LCT: variants seen among roughly 807,000 people sequenced by gnomAD.
LCT encodes lactase.
LCT carries 90 observed loss-of-function variants against 173.0 expected under a neutral mutation model. That is an observed-to-expected ratio of 0.52 (90% confidence interval 0.44 to 0.62). The LOEUF is 0.62. Among genes scored for constraint, LCT ranks in the 20% least tolerant of loss-of-function variants. The probability of loss-of-function intolerance (pLI) is 0.00; values close to 1 mark genes in which losing one functional copy is unlikely to be tolerated. For missense variants in LCT, 1,864 were observed against 2,431.4 expected, an observed-to-expected ratio of 0.77 and a Z score of 4.91; for synonymous variants, 853 against 957.6, an observed-to-expected ratio of 0.89 and a Z score of 2.02.
intron 6 of LCT, among the ~76,000 whole-genome samples, chr2:135,814,140 T>C (rs2077759277): frequency 6.6e-6 from 1 of 152,224 alleles, no homozygotes; most frequent in Admixed American, 6.5e-5. Context: ...GCTTTCCTTT[T>C]TCCTTTTTAT....
chr2:135,789,872 A>C, intron 15 of LCT, 74 bp from the exon 16 acceptor site: 1 of 1,197,080 alleles, frequency 8.4e-7, no homozygotes, highest in South Asian at 1.2e-5. Flanking sequence ...TTCGGAAGCC[A>C]GGTCTGCCTA....
intron 11 of LCT, among the ~76,000 whole-genome samples, chr2:135,802,638 C>G (rs549341389): frequency 6.6e-6 from 1 of 152,154 alleles, no homozygotes; most frequent in Non-Finnish European, 1.5e-5. Context: ...CATGTTCTTA[C>G]TCACATGTGG....
Position 135,812,597 on chromosome 2 carries a change from GC to G in LCT, c.2066del (p.Arg689ProfsTer25). 2 of 1,612,546 alleles carry G rather than the reference GC, an allele frequency of 1.2e-6. No individual in the cohort carries two copies. The highest frequency in any genetic ancestry group is 1.7e-6 in the Non-Finnish European group (2 of 1,178,642). On this transcript the variant is annotated frameshift_variant, in exon 7 of 17. Coordinates refer to ENST00000264162, the MANE Select transcript of LCT (RefSeq NM_002299.4). LOFTEE classifies it high-confidence loss of function. ...TGTTTTGTGGGGCGTTGCTGATGAG[GC>G]GGGAGGTGTAATGCGACAGACCCAG... The part of the protein sequence containing the change: ...DFLGLSHYTS[R>X]LISNAPQNTC...
intron 4 of LCT, chr2:135,822,300 A>G (rs898346518): frequency 1.2e-5 from 7 of 562,472 alleles, no homozygotes; most frequent in East Asian, 9.3e-5. Flanking sequence ...GTGGTTCTCA[A>G]ACTTCAAGGT....
chr2:135,819,982 G>C (rs1218128062), intron 5 of LCT, among the ~76,000 whole-genome samples: 5 of 152,088 alleles, frequency 3.3e-5, no homozygotes, highest in Non-Finnish European at 7.4e-5. Context: ...AGCACATGAC[G>C]GCACCTCAGG....
chr2:135,814,678 G>C (rs1463203329), intron 6 of LCT, among the ~76,000 whole-genome samples: 1 of 151,870 alleles, frequency 6.6e-6, no homozygotes, highest in East Asian at 1.9e-4. Context: ...CACCATGCCT[G>C]GCTAATTTTT....
chr2:135,788,337 A>G lies in LCT; in HGVS notation c.5771T>C (p.Val1924Ala), dbSNP rs886054861. 1.2e-6 allele frequency: 2 copies of G among 1,613,080 alleles called. No homozygotes were observed. Among genetic ancestry groups the G allele is most frequent in the African/African-American group, 1.3e-5 (1 of 74,898 alleles). The change falls in exon 17 of 17, where the codon GTG (valine) becomes GCG (alanine). Residue 1924 changes from valine to alanine, a missense_variant. By Grantham distance (64) the Val-to-Ala change is moderately conservative (BLOSUM62 0). Around this residue, in one of 4 missense-constraint regions of LCT, gnomAD observed 514 missense variants for 750.1 expected, o/e 0.69. Transcript: ENST00000264162. Reference protein sequence around the residue: ...TQRSQQELSPVSSF With the variant: ...TQRSQQELSPASSF ...GGTGGTAACTCATCAGAATGAAGAC[A>G]CCGGGCTCAATTCCTGTTGGCTTCG... is the stretch of plus-strand genomic sequence containing the variant.
In LCT at chr2:135,788,225, T is replaced by C; in HGVS notation, c.*99A>G. 1 of 854,538 alleles carries C rather than the reference T, an allele frequency of 1.2e-6. No individual in the cohort carries two copies. Among genetic ancestry groups the C allele is most frequent in the Non-Finnish European group, 2.0e-6 (1 of 502,950 alleles). The allele number at this position is 854,538 out of a possible 1,614,324, so 52.9% of individuals were successfully genotyped here. A position where few individuals can be genotyped will look rare whatever the true frequency, so the allele number is the denominator to read the frequency against. On this transcript the variant is annotated 3_prime_UTR_variant, in exon 17 of 17. Transcript: ENST00000264162. ...GGTGCAGCAGGACTTTATGGAGAAG[T>C]CCAGTATCAGCAGAGTCTAAGACCC...
At chr2:135,826,270 G>C (rs1398645391) in intron 3 of LCT, among the ~76,000 whole-genome samples, 4 of 152,104 alleles carry the variant, frequency 2.6e-5, no homozygotes, top group African/African-American at 9.7e-5. Context: ...TGAAAATGTG[G>C]TAGCCAGGTG....
chr2:135,816,992 C>A (rs543478847), intron 6 of LCT, among the ~76,000 whole-genome samples: 20 of 152,162 alleles, frequency 1.3e-4, no homozygotes, highest in African/African-American at 4.8e-4. Context: ...CCTCAGTCTC[C>A]TGGGTAGGTG....
At chr2:135,799,814 A>AGAAATT (rs2077611176) in intron 12 of LCT, among the ~76,000 whole-genome samples, 1 of 152,076 alleles carries the variant, frequency 6.6e-6, no homozygotes, top group Non-Finnish European at 1.5e-5. Context: ...CTGTTCTTAA[A>AGAAATT]CTCATTGAGT....
Position 135,804,802 on chromosome 2 carries a change from T to C in LCT, c.4429A>G (p.Ile1477Val). ...EAGLNYYVRLIDTLLAASIQP... is the reference protein window; with the variant it reads ...EAGLNYYVRLVDTLLAASIQP... ...ATGCTGGCGGCCAGCAGTGTATCGA[T>C]GAGCCTCACGTAGTAGTTCAGGCCC... Residue 1477 changes from isoleucine to valine, a missense_variant, in exon 10 of 17, where the codon ATC (isoleucine) becomes GTC (valine). Physicochemically the swap from Ile to Val is conservative, Grantham distance 29. Transcript: ENST00000264162. 6.2e-7 allele frequency: 1 copy of C among 1,613,364 alleles called. No individual in the cohort carries two copies.
At position 135,833,189 on chromosome 2, in the gene LCT, G is replaced by A. The variant is rs561529247; in HGVS notation, c.642C>T (p.Gly214=). 32 of 1,613,224 alleles carry A rather than the reference G, an allele frequency of 2.0e-5. No individual in the cohort carries two copies. The highest frequency in any genetic ancestry group is 5.5e-5 in the South Asian group (5 of 91,048). The change falls in exon 2 of 17, where the codon GGC becomes GGT. Residue 214 remains glycine (G), a splice_region_variant and synonymous_variant. Transcript: ENST00000264162. ...EIYHESYAFQ[G]GKLSVVLRAE... is the part of the protein sequence containing the mutation. ...CTCGCAGGACAACAGAGAGTTTTCC[G>A]CCTGAAACCAACCAGAGACACGAAC...
In LCT at chr2:135,808,818, C is replaced by T; in HGVS notation, c.3529G>A (p.Glu1177Lys). The change falls in exon 8 of 17, where the codon GAA (glutamate) becomes AAA (lysine). Residue 1177 changes from glutamate to lysine, a missense_variant. Transcript: ENST00000264162. ...CGGGAGGTGGCTAAGTGCTGCAGTT[C>T]ACTCCTGTTCCCCACTTTCCACTTC... Reference protein sequence around the residue: ...TMKWKVGNRSELQHLATSRLP... With the variant: ...TMKWKVGNRSKLQHLATSRLP... The T allele has an allele frequency of 6.2e-7, 1 of 1,613,982 alleles. No individual in the cohort carries two copies. Among genetic ancestry groups the T allele is most frequent in the Non-Finnish European group, 8.5e-7 (1 of 1,179,900 alleles).
rs1006341759 is a variant in LCT, at chr2:135,798,214, A to G, written c.4867-76T>C. The G allele has an allele frequency of 4.2e-5, 35 of 829,114 alleles. No homozygotes were observed. In the African/African-American group the frequency reaches 5.5e-4, roughly 13 times the overall value. 51.4% of individuals were successfully genotyped at this position (829,114 alleles called of 1,614,324 possible). A position where few individuals can be genotyped will look rare whatever the true frequency, so the allele number is the denominator to read the frequency against. On this transcript the variant is annotated intron_variant, in intron 12 of 16. Coordinates refer to ENST00000264162, the MANE Select transcript of LCT (RefSeq NM_002299.4). ...AGAGACAGCATCGTCCCCGCTCAGAAGTGCCTGGCCTCACAACCTCCCTCC... is the reference window on the plus strand; with the variant it reads ...AGAGACAGCATCGTCCCCGCTCAGAGGTGCCTGGCCTCACAACCTCCCTCC...
chr2:135,804,017 G>A lies in LCT; in HGVS notation c.4576C>T (p.Leu1526=), dbSNP rs140074771. The stretch of plus-strand genomic sequence containing the variant: ...ATCCAAAACTTCACCTTGTCTCCCA[G>A]CCTCTGGAAGAGCACATCTGCATAC... The part of the protein sequence containing the change: ...KEYADVLFQR[L]GDKVKFWITL... Residue 1526 remains leucine, a synonymous_variant, in exon 11 of 17, where the codon CTG becomes TTG. Coordinates refer to ENST00000264162, the MANE Select transcript of LCT (RefSeq NM_002299.4). 5.0e-4 allele frequency: 802 copies of A among 1,613,156 alleles called. 1 individual carries two copies. Among genetic ancestry groups the A allele is most frequent in the African/African-American group, 4.6e-3 (346 of 75,022 alleles).
rs766497753 is a variant in LCT, at chr2:135,829,632, T to C, written c.765A>G (p.Gln255=). The change falls in exon 3 of 17, where the codon CAA becomes CAG. Residue 255 remains glutamine, a synonymous_variant. Transcript: ENST00000264162. Reference sequence around the variant, plus strand: ...GCTTCTGCCGCAGACTTGCCTCATTTTGGCATTCATAAGACAAATCAAGAG... The same window carrying C: ...GCTTCTGCCGCAGACTTGCCTCATTCTGGCATTCATAAGACAAATCAAGAG... The part of the protein sequence containing the change: ...FLSLDLSYEC[Q]NEASLRQKLS... The C allele has an allele frequency of 7.4e-6, 12 of 1,613,948 alleles. No homozygotes were observed. Among genetic ancestry groups the C allele is most frequent in the African/African-American group, 1.3e-5 (1 of 74,932 alleles).
At position 135,800,696 on chromosome 2, in the gene LCT, C is replaced by T. The variant is rs35891837; in HGVS notation, c.4777G>A (p.Val1593Met). The change falls in exon 12 of 17, where the codon GTG becomes ATG. Residue 1593 changes from valine to methionine, a missense_variant. By Grantham distance (21) the Val-to-Met change is conservative. This residue lies in a region of LCT where 514 missense variants were observed against 750.1 expected (regional missense o/e 0.69). Transcript: ENST00000264162. The stretch of plus-strand genomic sequence containing the variant: ...TCACTGCTGATGGTGATGGAAATCA[C>T]GCCACCTTGACTGGCGCGGTACACA... ...NDVYRASQGG[V>M]ISITISSDWA... 2,742 of 1,613,894 alleles carry T rather than the reference C, an allele frequency of 1.7e-3. 31 individuals carry two copies. In the African/African-American group the frequency reaches 0.028, roughly 17 times the overall value.
intron 12 of LCT, among the ~76,000 whole-genome samples, chr2:135,799,642 G>T (rs2077609275): frequency 6.6e-6 from 1 of 152,126 alleles, no homozygotes; most frequent in Non-Finnish European, 1.5e-5. Flanking sequence ...TAGAGATGGG[G>T]TCTCACCATG....
Sources: allele counts gnomAD v4.1 joint callset (sites outside exome capture counted in the v4.1 genomes callset), GRCh38; gene constraint gnomAD v4.1.1; regional missense constraint gnomAD v4.1.1; transcripts MANE v1.5; gene names NCBI Gene and HGNC (gene_info 2026-07-23, HGNC 2026-07-21).